Variants in EIF4E3 observed in about 807,000 individuals in gnomAD.
EIF4E3 encodes eukaryotic translation initiation factor 4E family member 3.
EIF4E3 carries 26 observed loss-of-function variants against 31.7 expected under a neutral mutation model. The ratio of observed to expected loss-of-function variants is 0.82; its 90% confidence interval spans 0.60 to 1.14. The LOEUF (loss-of-function observed/expected upper bound fraction) is 1.14. Among genes scored for constraint, EIF4E3 ranks in the 50% most tolerant of loss-of-function variants. The pLI is 0.00. For missense variants in EIF4E3, 304 were observed against 270.9 expected, an observed-to-expected ratio of 1.12 and a Z score of -0.86; for synonymous variants, 128 against 107.7, an observed-to-expected ratio of 1.19 and a Z score of -1.17.
intron 5 of EIF4E3, 60 bp downstream of exon 5, chr3:71,693,815 A>C (rs1224799061): frequency 2.8e-6 from 4 of 1,404,986 alleles, no homozygotes. Flanking sequence ...CTGCTGCAAG[A>C]AACAAGCACA....
In EIF4E3 at chr3:71,690,139, T is replaced by C. The variant is rs1249685643; in HGVS notation, c.499A>G (p.Ser167Gly). Residue 167 changes from serine to glycine, a missense_variant, in exon 6 of 7, where the codon AGT becomes GGT. Coordinates refer to ENST00000425534, the MANE Select transcript of EIF4E3 (RefSeq NM_001134651.2). ...ADDEVIGVSV[S>G]VRDREDVVQV... The stretch of plus-strand genomic sequence containing the variant: ...ACGACGTCTTCTCGGTCCCGAACAC[T>C]GACACTAACTCCTATTACTTCATCA... 6.2e-7 allele frequency: 1 copy of C among 1,612,800 alleles called. No individual in the cohort carries two copies. The highest frequency in any genetic ancestry group is 8.5e-7 in the Non-Finnish European group (1 of 1,179,544).
chr3:71,725,376 C>A lies in EIF4E3; in HGVS notation c.-9G>T. On this transcript the variant is annotated 5_prime_UTR_variant, in exon 1 of 7. Coordinates refer to ENST00000425534, the MANE Select transcript of EIF4E3 (RefSeq NM_001134651.2). This position sits in a 1 kb window ranked among gnomAD's most constrained non-coding sequence, Gnocchi z 6.1. ...GCCGGGGGCAGCGCCATTTTCTCCG[C>A]CCCGCCTGCAAGGCCGGCGGACGCG... 31 of 978,106 alleles carry A rather than the reference C, an allele frequency of 3.2e-5. No homozygotes were observed. The highest frequency in any genetic ancestry group is 3.8e-5 in the Non-Finnish European group (31 of 826,480). 60.6% of individuals were successfully genotyped at this position (978,106 alleles called of 1,614,324 possible).
chr3:71,664,400 TG>T, the EIF4E3 span, among the ~76,000 whole-genome samples: 1 of 149,940 alleles, frequency 6.7e-6, no homozygotes, highest in Non-Finnish European at 1.5e-5. Flanking sequence ...TTTTTTTTGG[TG>T]GGGGGTGGGG....
intron 1 of EIF4E3, among the ~76,000 whole-genome samples, chr3:71,732,684 C>T (rs184738211): frequency 7.2e-5 from 11 of 152,326 alleles, no homozygotes; most frequent in African/African-American, 2.4e-4. Flanking sequence ...AGATAGCTTA[C>T]ATCAGAAACT....
intron 2 of EIF4E3, among the ~76,000 whole-genome samples, chr3:71,701,617 T>C (rs761226781): frequency 1.2e-4 from 19 of 152,140 alleles, no homozygotes; most frequent in African/African-American, 3.9e-4. Flanking sequence ...ACGAGTAAAA[T>C]AGCAATTAGA....
chr3:71,714,900 T>G (rs1379514489), intron 1 of EIF4E3, among the ~76,000 whole-genome samples: 1 of 152,212 alleles, frequency 6.6e-6, no homozygotes, highest in African/African-American at 2.4e-5. Context: ...AAGGTAAATG[T>G]CTGTAATGGA....
intron 1 of EIF4E3, among the ~76,000 whole-genome samples, chr3:71,738,170 G>A (rs1454174447): frequency 6.6e-6 from 1 of 152,174 alleles, no homozygotes; most frequent in Non-Finnish European, 1.5e-5. Flanking sequence ...CTGGCAACCT[G>A]AAAATGCTAA....
chr3:71,721,451 C>T (rs1384457998), intron 1 of EIF4E3, among the ~76,000 whole-genome samples: 1 of 152,130 alleles, frequency 6.6e-6, no homozygotes, highest in Non-Finnish European at 1.5e-5. Context: ...GGTCAGGCAA[C>T]ATAAGATGGT....
rs888040868 is a variant in EIF4E3 at position 71,676,410 on chromosome 3, C to G, written c.*8272G>C. The G allele has an allele frequency of 6.6e-6, 1 of 152,142 alleles. No homozygotes were observed. Among genetic ancestry groups the G allele is most frequent in the Non-Finnish European group, 1.5e-5 (1 of 68,020 alleles). The allele number at this position is 152,142 out of a possible 1,614,324, so 9.4% of individuals were successfully genotyped here. ...CTGTTATAGAGTGTTCTCCTTGTAA[C>G]AATTCAGTAAGTTACACATTTGTTT... On this transcript the variant is annotated 3_prime_UTR_variant, in exon 7 of 7. Transcript: ENST00000425534.
intron 2 of EIF4E3, among the ~76,000 whole-genome samples, chr3:71,710,148 G>A (rs1039599970): frequency 6.6e-6 from 1 of 152,204 alleles, no homozygotes; most frequent in African/African-American, 2.4e-5. Context: ...ACTGCAGTCT[G>A]CCTTTTGTGC....
intron 2 of EIF4E3, among the ~76,000 whole-genome samples, chr3:71,701,260 C>G (rs1338984846): frequency 6.6e-6 from 1 of 152,168 alleles, no homozygotes; most frequent in Non-Finnish European, 1.5e-5. Flanking sequence ...TGATCTGGAG[C>G]TGTTCTCTGA....
chr3:71,739,533 C>CAAAAAATT (rs1287744640), intron 1 of EIF4E3, among the ~76,000 whole-genome samples: 1 of 151,658 alleles, frequency 6.6e-6, no homozygotes, highest in Non-Finnish European at 1.5e-5. Flanking sequence ...CTGTCTCTAC[C>CAAAAAATT]AAAAAATTAA....
rs2048966010 is a variant in EIF4E3, at chr3:71,684,605, T to C, written c.*77A>G. 1.3e-6 allele frequency: 2 copies of C among 1,578,276 alleles called. No homozygotes were observed. Among genetic ancestry groups the C allele is most frequent in the African/African-American group, 2.7e-5 (2 of 73,844 alleles). On this transcript the variant is annotated 3_prime_UTR_variant, in exon 7 of 7. Coordinates refer to ENST00000425534, the MANE Select transcript of EIF4E3 (RefSeq NM_001134651.2). ...GACCAGCATCGGCTTCGGCAAGTCT[T>C]CTCTTCACTCTCCCTCCTGTTAAGA...
chr3:71,708,150 A>C (rs1246768228), intron 2 of EIF4E3, among the ~76,000 whole-genome samples: 1 of 152,206 alleles, frequency 6.6e-6, no homozygotes, highest in South Asian at 2.1e-4. Context: ...CGGGGATTAC[A>C]GGCAAGAGTC....
In EIF4E3 at chr3:71,680,687, A is replaced by G. The variant is rs190572653; in HGVS notation, c.*3995T>C. Reference sequence around the variant, plus strand: ...GGGCAACCCACTCTAATTGCTATAAATGACCACAGGTTCAAAGGGACTTTT... The same window carrying G: ...GGGCAACCCACTCTAATTGCTATAAGTGACCACAGGTTCAAAGGGACTTTT... On this transcript the variant is annotated 3_prime_UTR_variant, in exon 7 of 7. Coordinates refer to ENST00000425534, the MANE Select transcript of EIF4E3 (RefSeq NM_001134651.2). The G allele has an allele frequency of 2.0e-4, 30 of 152,326 alleles. No homozygotes were observed. In the East Asian group the frequency reaches 5.6e-3, roughly 28 times the overall value. The allele number at this position is 152,326 out of a possible 1,614,324, so 9.4% of individuals were successfully genotyped here.
chr3:71,713,217 G>A (rs778377179), intron 1 of EIF4E3, among the ~76,000 whole-genome samples: 1 of 152,154 alleles, frequency 6.6e-6, no homozygotes, highest in Non-Finnish European at 1.5e-5. Flanking sequence ...ACCATTACAG[G>A]TGAGCAGGCT....
At chr3:71,694,955 T>A (rs2049115304) in intron 4 of EIF4E3, among the ~76,000 whole-genome samples, 1 of 152,242 alleles carries the variant, frequency 6.6e-6, no homozygotes, top group Admixed American at 6.5e-5. Context: ...CAATACATAT[T>A]AACTATAATA....
At chr3:71,662,468 A>T in the EIF4E3 span, among the ~76,000 whole-genome samples, 2,123 of 152,354 alleles carry the variant, frequency 0.014, 42 homozygotes, top group East Asian at 0.052. Flanking sequence ...AAGTGCTATA[A>T]ATTCAGAAAG....
intron 1 of EIF4E3, among the ~76,000 whole-genome samples, chr3:71,723,950 AC>A (rs2049589039): frequency 6.6e-6 from 1 of 152,134 alleles, no homozygotes; most frequent in Admixed American, 6.5e-5. Flanking sequence ...TGCTATAAGA[AC>A]CCAAAAGGAA....
Sources: gnomAD v4.1 joint callset for allele counts (sites outside exome capture counted in the v4.1 genomes callset) on GRCh38, gnomAD v4.1.1 for gene constraint, Gnocchi (gnomAD v3.1) non-coding constraint, MANE v1.5 for transcripts, NCBI Gene and HGNC (gene_info 2026-07-23, HGNC 2026-07-21) for gene names.